Variants in EIF4E3 observed in about 807,000 individuals in gnomAD.
EIF4E3 encodes the protein eukaryotic translation initiation factor 4E family member 3.
EIF4E3 carries 26 observed loss-of-function variants against 31.7 expected under a neutral mutation model. That is an observed-to-expected ratio of 0.82 (90% CI 0.60 to 1.14). EIF4E3 has a LOEUF of 1.14. EIF4E3 is among the 50% of genes most tolerant of loss of function. EIF4E3 has a pLI of 0.00. For synonymous variants in EIF4E3, 128 were observed against 107.7 expected, an observed-to-expected ratio of 1.19 and a Z score of -1.17; for missense variants, 304 against 270.9, an observed-to-expected ratio of 1.12 and a Z score of -0.86.
intron 1 of EIF4E3, among the ~76,000 whole-genome samples, chr3:71,737,444 T>C (rs972927635): frequency 1.3e-5 from 2 of 152,170 alleles, no homozygotes; most frequent in African/African-American, 4.8e-5. Context: ...AGTCTAATTT[T>C]TACTGTAAGG....
At chr3:71,740,863 G>A (rs1341144200) in intron 1 of EIF4E3, among the ~76,000 whole-genome samples, 2 of 152,206 alleles carry the variant, frequency 1.3e-5, no homozygotes, top group African/African-American at 2.4e-5. Flanking sequence ...CCAGCCGGCC[G>A]CGGTGGCTCA....
At chr3:71,667,370 C>G in the EIF4E3 span, among the ~76,000 whole-genome samples, 35 of 152,290 alleles carry the variant, frequency 2.3e-4, no homozygotes, top group African/African-American at 7.7e-4. Flanking sequence ...GTCACCACTC[C>G]TATTCAACAT....
intron 6 of EIF4E3, 137 bp from the exon 7 acceptor site, chr3:71,684,865 A>T (rs2048970650): frequency 2.2e-5 from 17 of 779,878 alleles, no homozygotes; most frequent in African/African-American, 5.3e-5. Flanking sequence ...TTATTTATTT[A>T]TTTTTTTGCC....
downstream of EIF4E3, among the ~76,000 whole-genome samples, chr3:71,672,727 C>G (rs1222896391): frequency 6.6e-6 from 1 of 152,102 alleles, no homozygotes; most frequent in Non-Finnish European, 1.5e-5. Context: ...GCAGTGGTGC[C>G]GAATCGAACA....
chr3:71,694,198 C>G (rs924692541), intron 4 of EIF4E3, among the ~76,000 whole-genome samples: 4 of 152,196 alleles, frequency 2.6e-5, no homozygotes, highest in African/African-American at 9.7e-5. Flanking sequence ...AGTGAAACCC[C>G]TGGTGAAATT....
intron 5 of EIF4E3, among the ~76,000 whole-genome samples, chr3:71,692,105 T>TA (rs1396235100): frequency 1.3e-5 from 2 of 152,214 alleles, no homozygotes; most frequent in Non-Finnish European, 2.9e-5. Context: ...AATGGCTCGG[T>TA]AAAAAAAGGC....
the EIF4E3 span, among the ~76,000 whole-genome samples, chr3:71,663,289 C>T: frequency 2.0e-5 from 3 of 152,080 alleles, no homozygotes; most frequent in East Asian, 3.9e-4. Flanking sequence ...AACATGTAAT[C>T]GGGGAAATTT....
At position 71,752,153 on chromosome 3, in the gene EIF4E3, T is replaced by C. The variant is rs73837589; in HGVS notation, c.-291+1310A>G. On this transcript the variant is annotated intron_variant, in intron 1 of 7. Transcript: ENST00000295612. Reference sequence around the variant, plus strand: ...TCCCCAAGGGCCTTACTATTCAAAGTAAGGTCAGCAGACCAACAGCATTAG... The same window carrying C: ...TCCCCAAGGGCCTTACTATTCAAAGCAAGGTCAGCAGACCAACAGCATTAG... Among the ~76,000 whole-genome samples, 1,157 of 152,226 alleles carry C rather than the reference T, an allele frequency of 7.6e-3. 21 individuals are homozygous for C. Among genetic ancestry groups the C allele is most frequent in the African/African-American group, 0.025 (1,038 of 41,522 alleles).
In EIF4E3 at chr3:71,676,520, C is replaced by T. The variant is rs981056115; in HGVS notation, c.*8162G>A. On this transcript the variant is annotated 3_prime_UTR_variant, in exon 7 of 7. Coordinates refer to ENST00000425534, the MANE Select transcript of EIF4E3 (RefSeq NM_001134651.2). ...TTTCATAAAACAAAATCAGTGAGTA[C>T]ATAAGTTATACTTACTGGCTTCCAA... The T allele has an allele frequency of 1.3e-5, 2 of 152,132 alleles. No homozygotes were observed. The highest frequency in any genetic ancestry group is 2.9e-5 in the Non-Finnish European group (2 of 68,024). The allele number at this position is 152,132 out of a possible 1,614,324, so 9.4% of individuals were successfully genotyped here.
At chr3:71,661,975 G>A in the EIF4E3 span, among the ~76,000 whole-genome samples, 4 of 152,092 alleles carry the variant, frequency 2.6e-5, no homozygotes, top group African/African-American at 7.2e-5. Context: ...ACTTTGCCTC[G>A]CTAGATAAGA....
chr3:71,684,827 A>G (rs1035835458), intron 6 of EIF4E3, 99 bp from the exon 7 acceptor site: 1 of 1,267,644 alleles, frequency 7.9e-7, no homozygotes, highest in Non-Finnish European at 1.1e-6. Context: ...AGCTTCCCCA[A>G]ATGTTGGCAA....
chr3:71,681,308 T>C lies in EIF4E3; in HGVS notation c.*3374A>G, dbSNP rs757038759. The C allele has an allele frequency of 2.6e-5, 4 of 152,238 alleles. No individual in the cohort carries two copies. The highest frequency in any genetic ancestry group is 7.2e-5 in the African/African-American group (3 of 41,468). The allele number at this position is 152,238 out of a possible 1,614,324, so 9.4% of individuals were successfully genotyped here. Reference sequence around the variant, plus strand: ...AAATTCTGCTGCTGAGCCAGAACTGTTGGCTGGAAGGCAGCGCCACCATGC... The same window carrying C: ...AAATTCTGCTGCTGAGCCAGAACTGCTGGCTGGAAGGCAGCGCCACCATGC... On this transcript the variant is annotated 3_prime_UTR_variant, in exon 7 of 7. Transcript: ENST00000425534.
intron 1 of EIF4E3, among the ~76,000 whole-genome samples, chr3:71,720,954 T>C (rs528515475): frequency 6.6e-6 from 1 of 151,896 alleles, no homozygotes; most frequent in Non-Finnish European, 1.5e-5. Context: ...GATTCAAGGA[T>C]CAAATGGAAA....
chr3:71,693,301 A>G (rs762981955), intron 5 of EIF4E3, among the ~76,000 whole-genome samples: 5 of 152,230 alleles, frequency 3.3e-5, no homozygotes, highest in Non-Finnish European at 7.3e-5. Context: ...AAAGCCCTGA[A>G]GAACTTCTGT....
intron 1 of EIF4E3, among the ~76,000 whole-genome samples, chr3:71,736,640 G>T (rs1220855348): frequency 3.3e-5 from 5 of 152,206 alleles, no homozygotes; most frequent in South Asian, 4.1e-4. Context: ...GGTTGTCAGG[G>T]GTTCAGGTGT....
intron 3 of EIF4E3, among the ~76,000 whole-genome samples, chr3:71,697,624 T>G (rs372609886): frequency 1.3e-5 from 2 of 152,120 alleles, no homozygotes; most frequent in African/African-American, 4.8e-5. Flanking sequence ...GTTCAGGGTT[T>G]TTTTTTTTTA....
At chr3:71,744,202 C>T (rs1009589368) in intron 1 of EIF4E3, among the ~76,000 whole-genome samples, 9 of 151,504 alleles carry the variant, frequency 5.9e-5, no homozygotes, top group Non-Finnish European at 1.3e-4. Flanking sequence ...AATCTTATAT[C>T]CAAAAAAGAA....
intron 2 of EIF4E3, among the ~76,000 whole-genome samples, chr3:71,707,872 T>TTC (rs67840356): frequency 1.1e-5 from 1 of 92,894 alleles, no homozygotes. Flanking sequence ...TAATTCATTC[T>TTC]TTTTTTTTTT....
intron 2 of EIF4E3, among the ~76,000 whole-genome samples, chr3:71,701,007 G>C (rs764226211): frequency 3.3e-5 from 5 of 152,122 alleles, no homozygotes; most frequent in Non-Finnish European, 5.9e-5. Flanking sequence ...AAGATACAAG[G>C]AGAGGATGGC....
Sources: allele counts gnomAD v4.1 joint callset (sites outside exome capture counted in the v4.1 genomes callset), GRCh38; gene constraint gnomAD v4.1.1; transcripts MANE v1.5; gene names NCBI Gene and HGNC (gene_info 2026-07-23, HGNC 2026-07-21).